Variants in DMAC2 observed in about 807,000 individuals in gnomAD.
DMAC2 encodes distal membrane arm assembly component 2, also known as distal membrane-arm assembly complex protein 2.
DMAC2 carries 32 observed loss-of-function variants against 29.6 expected under a neutral mutation model. That is an observed-to-expected ratio of 1.08 (90% CI 0.81 to 1.45). The LOEUF (loss-of-function observed/expected upper bound fraction) is 1.45, where lower values mean the gene tolerates loss of function less well. Among genes scored for constraint, DMAC2 ranks in the 40% most tolerant of loss-of-function variants. The pLI is 0.00. For synonymous variants in DMAC2, 133 were observed against 137.4 expected (o/e 0.97, Z 0.23); for missense variants, 319 against 340.0 (o/e 0.94, Z 0.49).
At chr19:41,434,792 G>A (rs1393096221) in intron 3 of DMAC2, among the ~76,000 whole-genome samples, 3 of 152,102 alleles carry the variant, frequency 2.0e-5, no homozygotes, top group African/African-American at 7.2e-5. Context: ...ATCACTTGAG[G>A]TCAGGGGTTG....
chr19:41,433,251 C>T (rs781887356), intron 5 of DMAC2, 21 bp downstream of exon 5: 3 of 1,595,552 alleles, frequency 1.9e-6, no homozygotes, highest in East Asian at 4.5e-5. Flanking sequence ...GCATGTGGCC[C>T]AGCCTGAGCT....
chr19:41,438,101 C>T (rs1284113595), intron 2 of DMAC2, 117 bp downstream of exon 2: 6 of 951,588 alleles, frequency 6.3e-6, no homozygotes, highest in Admixed American at 4.4e-5. Context: ...GATGGAGCTG[C>T]AAGAGACATC....
intron 5 of DMAC2, chr19:41,432,653 C>CGA (rs2039593638): frequency 5.1e-6 from 1 of 197,396 alleles, no homozygotes; most frequent in Non-Finnish European, 9.1e-6. Flanking sequence ...TACAGGACAG[C>CGA]GTGTGTGTGT....
intron 1 of DMAC2, among the ~76,000 whole-genome samples, chr19:41,438,766 T>A (rs896349887): frequency 1.3e-5 from 2 of 151,974 alleles, no homozygotes; most frequent in South Asian, 2.1e-4. Context: ...TCTGCTGGGG[T>A]CTTCCCAAAT....
chr19:41,436,517 C>A, intron 2 of DMAC2, 45 bp from the exon 3 acceptor site: 1 of 1,528,450 alleles, frequency 6.5e-7, no homozygotes, highest in Non-Finnish European at 9.1e-7. Flanking sequence ...GGGAGCACCA[C>A]AGCCCTCACG....
chr19:41,432,463 T>C (rs1555769342), intron 5 of DMAC2, 55 bp from the exon 6 acceptor site: 5 of 1,564,982 alleles, frequency 3.2e-6, no homozygotes, highest in Non-Finnish European at 3.5e-6. Flanking sequence ...TGTGTGTGTG[T>C]GTAGGGAGGT....
chr19:41,432,862 G>T (rs931732153), intron 5 of DMAC2: 1 of 525,514 alleles, frequency 1.9e-6, no homozygotes. Context: ...GACAGTGTGT[G>T]TGCGTGCGTG....
intron 4 of DMAC2, 27 bp downstream of exon 4, chr19:41,433,510 G>A: frequency 6.2e-7 from 1 of 1,614,120 alleles, no homozygotes; most frequent in South Asian, 1.1e-5. Flanking sequence ...ATAGAGGCCT[G>A]TCCCATCTCC....
intron 5 of DMAC2, 57 bp downstream of exon 5, chr19:41,433,215 C>T: frequency 6.6e-7 from 1 of 1,523,390 alleles, no homozygotes; most frequent in Non-Finnish European, 8.8e-7. Context: ...TCTCCTGCAT[C>T]TGGGTTAGGT....
At chr19:41,432,618 A>ATGTG (rs146967268) in intron 5 of DMAC2, 24 of 318,668 alleles carry the variant, frequency 7.5e-5, no homozygotes, top group African/African-American at 1.8e-4. Context: ...TAAGGACAGC[A>ATGTG]TGTGTGTGTG....
rs782720309 is a variant in DMAC2, at chr19:41,432,364, T to G, written c.641A>C (p.Asn214Thr). The part of the protein sequence containing the change: ...LDISDLPAVS[N>T]PGLTQILVEE... ...CACCAATATCTGAGTGAGGCCAGGG[T>G]TGGACACGGCAGGGAGGTCCGAGAT... Residue 214 changes from asparagine (N) to threonine (T), a missense_variant, in exon 6 of 6, where the codon AAC (asparagine) becomes ACC (threonine). Transcript: ENST00000221943. 8 of 1,613,972 alleles carry G rather than the reference T, an allele frequency of 5.0e-6. No homozygotes were observed. The East Asian group carries it at 1.8e-4, about 36-fold the overall frequency.
At chr19:41,432,804 G>A in intron 5 of DMAC2, 1 of 524,948 alleles carries the variant, frequency 1.9e-6, no homozygotes, top group Non-Finnish European at 3.4e-6. Context: ...GTGTGTGTGT[G>A]TGTGTGTGTG....
chr19:41,439,687 T>C (rs2040053670), intron 1 of DMAC2, 195 bp downstream of exon 1: 13 of 1,312,082 alleles, frequency 9.9e-6, no homozygotes, highest in East Asian at 2.5e-5. Flanking sequence ...CGCTAAAGCG[T>C]CTCCTCCGCC....
chr19:41,434,397 CAAAA>C (rs1160927067), intron 3 of DMAC2, among the ~76,000 whole-genome samples: 1 of 63,268 alleles, frequency 1.6e-5, no homozygotes, highest in Non-Finnish European at 2.9e-5. Flanking sequence ...GACCCTATCT[CAAAA>C]AAAAAAAAAA....
rs565487862 is a variant in DMAC2, at chr19:41,432,615, A to G, written c.597-207T>C. On this transcript the variant is annotated intron_variant, in intron 5 of 5. Transcript: ENST00000221943. ...TAGGGAGGTAAGCCAGTGTAAGGAC[A>G]GCATGTGTGTGTGTGTGTGTAGGGA... 5.0e-5 allele frequency: 25 copies of G among 498,330 alleles called. No individual in the cohort carries two copies. In the African/African-American group the frequency reaches 6.7e-4, roughly 13 times the overall value. The allele number at this position is 498,330 out of a possible 1,614,324, so 30.9% of individuals were successfully genotyped here. A position where few individuals can be genotyped will look rare whatever the true frequency, so the allele number is the denominator to read the frequency against.
Position 41,439,866 on chromosome 19 carries a change from A to T in DMAC2, c.18+16T>A. On this transcript the variant is annotated intron_variant, in intron 1 of 5. Coordinates refer to ENST00000221943, the MANE Select transcript of DMAC2 (RefSeq NM_018035.3). Reference sequence around the variant, plus strand: ...CGGACTTCAAATTTGGGGCTCTAGGAACTCCGGTCACTTACCGCCCAGGGA... The same window carrying T: ...CGGACTTCAAATTTGGGGCTCTAGGTACTCCGGTCACTTACCGCCCAGGGA... The T allele has an allele frequency of 6.2e-7, 1 of 1,614,160 alleles. No homozygotes were observed. Among genetic ancestry groups the T allele is most frequent in the Non-Finnish European group, 8.5e-7 (1 of 1,180,026 alleles).
chr19:41,432,488 G>T, intron 5 of DMAC2, 80 bp from the exon 6 acceptor site: 2 of 1,413,798 alleles, frequency 1.4e-6, no homozygotes, highest in Non-Finnish European at 2.0e-6. Flanking sequence ...GACAGCGTGT[G>T]CGTGTGTGTG....
chr19:41,435,277 A>G (rs1470947169), intron 3 of DMAC2, among the ~76,000 whole-genome samples: 2 of 150,950 alleles, frequency 1.3e-5, no homozygotes. Flanking sequence ...AGCCATTATT[A>G]TTATTATTTT....
Position 41,438,427 on chromosome 19 carries a change from A to T in DMAC2, c.19-13T>A. On this transcript the variant is annotated splice_polypyrimidine_tract_variant and intron_variant, in intron 1 of 5. Coordinates refer to ENST00000221943, the MANE Select transcript of DMAC2 (RefSeq NM_018035.3). ...CCAGGCGCAGGGACTGGGGAGGGGG[A>T]GAGGAAAGGAGCTGAGCCTGGAGCC... 1 of 1,604,274 alleles carries T rather than the reference A, an allele frequency of 6.2e-7. No individual in the cohort carries two copies.
Sources: allele counts gnomAD v4.1 joint callset (sites outside exome capture counted in the v4.1 genomes callset), GRCh38; gene constraint gnomAD v4.1.1; transcripts MANE v1.5; gene names NCBI Gene and HGNC (gene_info 2026-07-23, HGNC 2026-07-21).